The following CAMTA1 variants were observed in gnomAD, a reference collection of about 807,000 sequenced individuals.
CAMTA1 encodes the protein calmodulin binding transcription activator 1.
Under a neutral mutation model 170.9 loss-of-function variants are expected in CAMTA1, and 27 were observed. The observed-to-expected ratio is 0.16, with a 90% CI of 0.12 to 0.22. CAMTA1 has a LOEUF of 0.22. CAMTA1 is among the 10% of genes least tolerant of loss of function. The pLI, the probability that CAMTA1 is intolerant of heterozygous loss-of-function variation, is 1.00. For synonymous variants in CAMTA1, 833 were observed against 891.5 expected, an observed-to-expected ratio of 0.93 and a Z score of 1.17; for missense variants, 1,619 against 2,217.2, an observed-to-expected ratio of 0.73 and a Z score of 5.42.
At chr1:7,301,366 C>G (rs544635583) in intron 5 of CAMTA1, among the ~76,000 whole-genome samples, 2 of 152,330 alleles carry the variant, frequency 1.3e-5, no homozygotes, top group East Asian at 1.9e-4. Context: ...CAGATCTGCT[C>G]TAATTGTTGT....
intron 3 of CAMTA1, among the ~76,000 whole-genome samples, chr1:6,825,896 G>A (rs768158247): frequency 1.3e-5 from 2 of 152,062 alleles, no homozygotes; most frequent in African/African-American, 2.4e-5. Context: ...TCAATTTAAG[G>A]TAATACCCGT....
At chr1:6,954,954 T>A (rs1689178515) in intron 3 of CAMTA1, among the ~76,000 whole-genome samples, 1 of 152,160 alleles carries the variant, frequency 6.6e-6, no homozygotes, top group Admixed American at 6.5e-5. Context: ...GGTCACCGTT[T>A]CGATTTCGCT....
intron 4 of CAMTA1, among the ~76,000 whole-genome samples, chr1:7,230,921 G>C (rs1280788843): frequency 6.6e-6 from 1 of 152,130 alleles, no homozygotes; most frequent in Admixed American, 6.5e-5. Flanking sequence ...TGAACCCAGA[G>C]TCACTCAGCA....
chr1:7,306,559 T>C (rs1180338049), intron 5 of CAMTA1, among the ~76,000 whole-genome samples: 1 of 152,000 alleles, frequency 6.6e-6, no homozygotes, highest in East Asian at 1.9e-4. Flanking sequence ...TTCAAATTGG[T>C]TAGTCAAATT....
At chr1:7,356,188 C>T (rs1240671255) in intron 5 of CAMTA1, among the ~76,000 whole-genome samples, 2 of 152,212 alleles carry the variant, frequency 1.3e-5, no homozygotes, top group African/African-American at 2.4e-5. Context: ...TCTTACACAC[C>T]TAGAGGAGCC....
intron 5 of CAMTA1, among the ~76,000 whole-genome samples, chr1:7,390,811 C>T (rs1388229255): frequency 2.0e-5 from 3 of 152,238 alleles, no homozygotes; most frequent in South Asian, 2.1e-4. Flanking sequence ...CTGCACCGCC[C>T]GCCAGGTGTG....
intron 7 of CAMTA1, among the ~76,000 whole-genome samples, chr1:7,647,561 T>C (rs1184956923): frequency 1.3e-5 from 2 of 152,098 alleles, no homozygotes; most frequent in African/African-American, 4.8e-5. Flanking sequence ...AGGAGGCTGT[T>C]TGGGGACCTG....
At chr1:7,176,751 A>G (rs540340067) in intron 4 of CAMTA1, among the ~76,000 whole-genome samples, 15 of 152,300 alleles carry the variant, frequency 9.8e-5, no homozygotes, top group Admixed American at 9.8e-4. Flanking sequence ...TAGTAAAGCA[A>G]TGACAATGTG....
chr1:7,448,494 C>T (rs758871080), intron 5 of CAMTA1, among the ~76,000 whole-genome samples: 8 of 152,184 alleles, frequency 5.3e-5, no homozygotes, highest in Non-Finnish European at 1.0e-4. Context: ...CGCCAGCCCT[C>T]CTTGTGGGTG....
At chr1:6,896,228 G>T (rs372229087) in intron 3 of CAMTA1, among the ~76,000 whole-genome samples, 1 of 152,182 alleles carries the variant, frequency 6.6e-6, no homozygotes, top group African/African-American at 2.4e-5. Flanking sequence ...GAATCAGCCT[G>T]TGTCCCTAGA....
intron 3 of CAMTA1, among the ~76,000 whole-genome samples, chr1:6,839,503 G>A (rs1654795040): frequency 6.6e-6 from 1 of 152,236 alleles, no homozygotes; most frequent in Non-Finnish European, 1.5e-5. Context: ...TGGAGTTGCT[G>A]AGGGTATAAG....
chr1:7,159,748 G>A (rs1647096098), intron 4 of CAMTA1, among the ~76,000 whole-genome samples: 1 of 152,038 alleles, frequency 6.6e-6, no homozygotes, highest in South Asian at 2.1e-4. Context: ...GGGTCTTGCT[G>A]TGTTGCACAG....
intron 11 of CAMTA1, among the ~76,000 whole-genome samples, chr1:7,687,776 A>T (rs1448533350): frequency 2.0e-5 from 3 of 152,096 alleles, no homozygotes; most frequent in African/African-American, 7.2e-5. Flanking sequence ...TTCCTTCTTC[A>T]TGGCTCCCCG....
intron 1 of CAMTA1, among the ~76,000 whole-genome samples, chr1:6,801,076 C>T (rs547700999): frequency 6.6e-6 from 1 of 152,316 alleles, no homozygotes; most frequent in South Asian, 2.1e-4. Flanking sequence ...GGGCACTTAA[C>T]ATTTTTGAAG....
intron 22 of CAMTA1, among the ~76,000 whole-genome samples, chr1:7,763,346 GAT>G (rs2096990423): frequency 6.6e-6 from 1 of 151,972 alleles, no homozygotes; most frequent in South Asian, 2.1e-4. Context: ...AGCATACTAT[GAT>G]AACTTTATCA....
intron 5 of CAMTA1, among the ~76,000 whole-genome samples, chr1:7,390,498 G>A (rs1025317940): frequency 2.6e-5 from 4 of 152,168 alleles, no homozygotes; most frequent in Non-Finnish European, 1.5e-5. Flanking sequence ...GATTGGCCCT[G>A]CTGCTTACTA....
chr1:7,283,840 G>C (rs1259757935), intron 5 of CAMTA1, among the ~76,000 whole-genome samples: 2 of 152,172 alleles, frequency 1.3e-5, no homozygotes, highest in African/African-American at 4.8e-5. Context: ...TACATGGACT[G>C]CTTGCCCCAG....
chr1:7,640,519 G>C lies in CAMTA1; in HGVS notation c.630G>C (p.Thr210=). ...ACAAGAAGGAGTGGGCGAAATGGAC[G>C]AAAGAAGAGCTCATCGGGCAGCTGA... ...NTDKKEWAKW[T]KEELIGQLKP... Residue 210 remains threonine, a synonymous_variant, in exon 7 of 23, where the codon ACG becomes ACC. Coordinates refer to ENST00000303635, the MANE Select transcript of CAMTA1 (RefSeq NM_015215.4). 1 of 1,614,224 alleles carries C rather than the reference G, an allele frequency of 6.2e-7. No individual in the cohort carries two copies. The highest frequency in any genetic ancestry group is 8.5e-7 in the Non-Finnish European group (1 of 1,180,044).
chr1:7,612,108 T>A (rs927535388), intron 6 of CAMTA1, among the ~76,000 whole-genome samples: 7 of 152,214 alleles, frequency 4.6e-5, no homozygotes, highest in African/African-American at 1.7e-4. Flanking sequence ...ACCAGCTCAG[T>A]GGAGAGTCAG....
Sources: gnomAD v4.1 joint callset for allele counts (sites outside exome capture counted in the v4.1 genomes callset) on GRCh38, gnomAD v4.1.1 for gene constraint, MANE v1.5 for transcripts, NCBI Gene and HGNC (gene_info 2026-07-23, HGNC 2026-07-21) for gene names.